The following SKAP1 variants were observed in gnomAD, a reference collection of about 807,000 sequenced individuals.
SKAP1 encodes src kinase associated phosphoprotein 1.
Under a neutral mutation model 58.5 loss-of-function variants are expected in SKAP1, and 44 were observed. The ratio of observed to expected loss-of-function variants is 0.75; its 90% CI spans 0.59 to 0.97. The LOEUF (loss-of-function observed/expected upper bound fraction) is 0.97, where lower values mean the gene tolerates loss of function less well. Among genes scored for constraint, SKAP1 ranks in the 50% least tolerant of loss-of-function variants. The pLI is 0.00. For missense variants in SKAP1, 390 were observed against 435.2 expected, an observed-to-expected ratio of 0.90 and a Z score of 0.92; for synonymous variants, 127 against 149.7, an observed-to-expected ratio of 0.85 and a Z score of 1.11.
chr17:48,410,642 G>A (rs1311037379), intron 1 of SKAP1, among the ~76,000 whole-genome samples: 1 of 151,920 alleles, frequency 6.6e-6, no homozygotes, highest in Non-Finnish European at 1.5e-5. Context: ...AAGGGGCGCA[G>A]GAGGTCGGGC....
At chr17:48,267,493 C>A (rs1283400668) in intron 4 of SKAP1, among the ~76,000 whole-genome samples, 1 of 152,130 alleles carries the variant, frequency 6.6e-6, no homozygotes, top group African/African-American at 2.4e-5. Flanking sequence ...CTTCAAATTA[C>A]CACTTGGTAC....
rs533554705 is a variant in SKAP1, at chr17:48,181,937, T to G, written c.631+457A>C. On this transcript the variant is annotated intron_variant, in intron 8 of 12. Transcript: ENST00000336915. ...TGTGGCTTGGGAAATAACAGTTTGT[T>G]TTTAATGTCCAATGTCCCTGAAGAC... is the stretch of plus-strand genomic sequence containing the variant. Among the ~76,000 whole-genome samples, 5 of 152,324 alleles carry G rather than the reference T, an allele frequency of 3.3e-5. No individual in the cohort carries two copies. In the South Asian group the frequency reaches 1.0e-3, roughly 32 times the overall value.
At chr17:48,428,104 T>A (rs2067873409) in intron 1 of SKAP1, among the ~76,000 whole-genome samples, 1 of 152,140 alleles carries the variant, frequency 6.6e-6, no homozygotes, top group Non-Finnish European at 1.5e-5. Flanking sequence ...AAAACATATC[T>A]TCAAACATTT....
intron 4 of SKAP1, among the ~76,000 whole-genome samples, chr17:48,301,404 C>A (rs1156328065): frequency 6.6e-6 from 1 of 152,132 alleles, no homozygotes; most frequent in African/African-American, 2.4e-5. Flanking sequence ...CAGCACCTAG[C>A]ATTATGCATT....
At position 48,160,280 on chromosome 17, in the gene SKAP1, C is replaced by T. The variant is rs536775714; in HGVS notation, c.978+2189G>A. ...GAGTAGCTGAGACTACAAGCATGTA[C>T]CACCACACCCAGCTATTTTTTTTTA... On this transcript the variant is annotated intron_variant, in intron 11 of 12. Transcript: ENST00000336915. Among the ~76,000 whole-genome samples the T allele has an allele frequency of 2.6e-5, 4 of 152,098 alleles. No homozygotes were observed. In the South Asian group the frequency reaches 6.2e-4, roughly 24 times the overall value.
At chr17:48,146,573 G>T (rs1328891989) in intron 11 of SKAP1, among the ~76,000 whole-genome samples, 5 of 151,550 alleles carry the variant, frequency 3.3e-5, no homozygotes, top group African/African-American at 4.8e-5. Flanking sequence ...CCCTCCAGCT[G>T]AAGAGGCTGT....
chr17:48,265,482 G>A (rs2065534778), intron 4 of SKAP1, among the ~76,000 whole-genome samples: 3 of 143,646 alleles, frequency 2.1e-5, no homozygotes, highest in Admixed American at 1.4e-4. Flanking sequence ...TCCAGCCTGG[G>A]CCTGTCTCAA....
intron 9 of SKAP1, among the ~76,000 whole-genome samples, chr17:48,170,893 G>C (rs1018595608): frequency 2.0e-5 from 3 of 151,884 alleles, no homozygotes. Context: ...TTTTAGTAGA[G>C]ATGGGGTTTC....
intron 11 of SKAP1, among the ~76,000 whole-genome samples, chr17:48,161,258 A>G (rs2064064118): frequency 6.6e-6 from 1 of 152,250 alleles, no homozygotes; most frequent in Non-Finnish European, 1.5e-5. Flanking sequence ...TAAAAAAAAG[A>G]AGAAAGATAA....
chr17:48,241,577 G>T (rs2065244240), intron 4 of SKAP1, among the ~76,000 whole-genome samples: 1 of 151,994 alleles, frequency 6.6e-6, no homozygotes, highest in African/African-American at 2.4e-5. Context: ...GCCTCACATG[G>T]ATCATGCAGA....
intron 6 of SKAP1, among the ~76,000 whole-genome samples, chr17:48,187,206 A>T (rs2064468264): frequency 6.6e-6 from 1 of 152,084 alleles, no homozygotes; most frequent in African/African-American, 2.4e-5. Context: ...CATGGATGGG[A>T]GGTCTTCTAG....
At chr17:48,205,326 G>A (rs1294591317) in intron 4 of SKAP1, among the ~76,000 whole-genome samples, 1 of 151,894 alleles carries the variant, frequency 6.6e-6, no homozygotes, top group Non-Finnish European at 1.5e-5. Context: ...GCCCAGGCTG[G>A]TCTAGAACTC....
intron 4 of SKAP1, among the ~76,000 whole-genome samples, chr17:48,316,782 AC>A (rs1194133107): frequency 1.3e-5 from 2 of 152,210 alleles, no homozygotes; most frequent in Non-Finnish European, 2.9e-5. Flanking sequence ...GACAGAGACC[AC>A]CACGCTAAGA....
At chr17:48,254,284 T>C (rs1271459313) in intron 4 of SKAP1, among the ~76,000 whole-genome samples, 1 of 152,182 alleles carries the variant, frequency 6.6e-6, no homozygotes, top group Non-Finnish European at 1.5e-5. Flanking sequence ...TAATGTGCAA[T>C]GTGTAAAGTA....
chr17:48,332,594 C>T (rs553502972), intron 4 of SKAP1, among the ~76,000 whole-genome samples: 2 of 152,264 alleles, frequency 1.3e-5, no homozygotes, highest in Non-Finnish European at 2.9e-5. Context: ...AACTTGCCAG[C>T]CCACCTCAGT....
At chr17:48,329,140 T>C (rs780268771) in intron 4 of SKAP1, among the ~76,000 whole-genome samples, 1 of 152,230 alleles carries the variant, frequency 6.6e-6, no homozygotes, top group Non-Finnish European at 1.5e-5. Context: ...GAAAGTTCTA[T>C]TGGACAGTGC....
chr17:48,359,320 C>G (rs1159369570), intron 3 of SKAP1, among the ~76,000 whole-genome samples: 1 of 152,066 alleles, frequency 6.6e-6, no homozygotes, highest in African/African-American at 2.4e-5. Context: ...TCATGGCACA[C>G]CTCTCTCTGA....
At chr17:48,353,529 T>C (rs2066831205) in intron 3 of SKAP1, among the ~76,000 whole-genome samples, 1 of 152,204 alleles carries the variant, frequency 6.6e-6, no homozygotes, top group Admixed American at 6.5e-5. Context: ...CCCCAATTGG[T>C]AAGCCAACAT....
At chr17:48,425,940 G>A (rs1368442929) in intron 1 of SKAP1, among the ~76,000 whole-genome samples, 1 of 152,206 alleles carries the variant, frequency 6.6e-6, no homozygotes, top group East Asian at 1.9e-4. Flanking sequence ...TTGAGTTAAA[G>A]AGTGCTCTAA....
Sources: gnomAD v4.1 joint callset for allele counts (sites outside exome capture counted in the v4.1 genomes callset) on GRCh38, gnomAD v4.1.1 for gene constraint, MANE v1.5 for transcripts, NCBI Gene and HGNC (gene_info 2026-07-23, HGNC 2026-07-21) for gene names.